SLC4A5: variants seen among roughly 807,000 people sequenced by gnomAD.
The protein encoded by SLC4A5 is solute carrier family 4 member 5, also known as electrogenic sodium bicarbonate cotransporter 4.
SLC4A5 carries 96 observed loss-of-function variants against 120.4 expected under a neutral mutation model. The ratio of observed to expected loss-of-function variants is 0.80; its 90% CI spans 0.68 to 0.94. The LOEUF (loss-of-function observed/expected upper bound fraction) is 0.94, where lower values mean the gene tolerates loss of function less well. Among genes scored for constraint, SLC4A5 ranks in the 40% least tolerant of loss-of-function variants. The pLI is 0.00. For synonymous variants in SLC4A5, 550 were observed against 571.1 expected (o/e 0.96, Z 0.53); for missense variants, 1,259 against 1,459.5 (o/e 0.86, Z 2.24).
intron 7 of SLC4A5, among the ~76,000 whole-genome samples, chr2:74,299,501 G>A (rs1022979581): frequency 2.0e-5 from 3 of 152,170 alleles, no homozygotes; most frequent in South Asian, 2.1e-4. Flanking sequence ...ATGTGGAACT[G>A]TGAGTCCATC....
At chr2:74,227,097 C>T (rs1339824168) in exon 27 of SLC4A5, 14 of 1,613,806 alleles carry the variant, frequency 8.7e-6, no homozygotes, top group Non-Finnish European at 1.2e-5. Flanking sequence ...TGGTGCTTGG[C>T]TGGCATCAGG....
At chr2:74,302,055 T>C (rs1672487933) in intron 7 of SLC4A5, among the ~76,000 whole-genome samples, 1 of 152,234 alleles carries the variant, frequency 6.6e-6, no homozygotes, top group African/African-American at 2.4e-5. Context: ...ATTAGTTAGA[T>C]TATTTCTCAA....
At chr2:74,310,946 T>TA (rs1473347416) in intron 6 of SLC4A5, among the ~76,000 whole-genome samples, 4 of 151,598 alleles carry the variant, frequency 2.6e-5, no homozygotes, top group African/African-American at 9.7e-5. Context: ...CTTTTTTTTT[T>TA]TTTGGTAAGT....
chr2:74,233,927 C>G (rs955967417), intron 22 of SLC4A5, among the ~76,000 whole-genome samples: 1 of 152,036 alleles, frequency 6.6e-6, no homozygotes, highest in African/African-American at 2.4e-5. Flanking sequence ...ATGGGTGGGC[C>G]CAGGGCCAGC....
At chr2:74,284,172 T>C (rs1303036334) in intron 8 of SLC4A5, among the ~76,000 whole-genome samples, 1 of 66,746 alleles carries the variant, frequency 1.5e-5, no homozygotes, top group Non-Finnish European at 2.3e-5. Flanking sequence ...CTTTTTTTTT[T>C]TTTTTTTTTT....
chr2:74,222,991 A>C, intron 28 of SLC4A5, 39 bp from the exon 29 acceptor site: 38 of 1,379,682 alleles, frequency 2.8e-5, no homozygotes, highest in Non-Finnish European at 3.5e-5. Context: ...AAACACCAAC[A>C]CAACAATTTG....
Position 74,235,222 on chromosome 2 carries a change from C to G in SLC4A5, c.2320-8G>C, listed in dbSNP as rs1261476650. The G allele has an allele frequency of 1.9e-6, 3 of 1,610,544 alleles. No individual in the cohort carries two copies. The highest frequency in any genetic ancestry group is 8.5e-7 in the Non-Finnish European group (1 of 1,177,530). ...AGCCACCAGGGCCCGGACCTGCAGA[C>G]AGGAGATGAGCAAGTAAAAGAAGTG... is the stretch of plus-strand genomic sequence containing the variant. On this transcript the variant is annotated splice_region_variant and splice_polypyrimidine_tract_variant and intron_variant, in intron 21 of 30. Coordinates refer to ENST00000394019, the Ensembl canonical transcript of SLC4A5.
chr2:74,248,611 T>A (rs1670694364), intron 17 of SLC4A5, 125 bp from the exon 18 acceptor site: 1 of 1,145,810 alleles, frequency 8.7e-7, no homozygotes, highest in Non-Finnish European at 1.2e-6. Flanking sequence ...CTGGGCCCTT[T>A]CCTCCCTAAA....
At chr2:74,316,829 T>C (rs1335561474) in intron 5 of SLC4A5, among the ~76,000 whole-genome samples, 1 of 152,198 alleles carries the variant, frequency 6.6e-6, no homozygotes, top group Non-Finnish European at 1.5e-5. Context: ...AGACTGACTT[T>C]AGTAACTCCC....
intron 19 of SLC4A5, among the ~76,000 whole-genome samples, chr2:74,244,299 T>G (rs1023644229): frequency 6.6e-6 from 1 of 152,100 alleles, no homozygotes; most frequent in Non-Finnish European, 1.5e-5. Flanking sequence ...AACTTAAGAG[T>G]GCATCAGAAT....
At chr2:74,225,117 T>A (rs1331519263) in intron 27 of SLC4A5, 122 bp from the exon 28 acceptor site, 3 of 887,798 alleles carry the variant, frequency 3.4e-6, no homozygotes, top group African/African-American at 3.4e-5. Context: ...TTTTGTGGTG[T>A]CTTTGGAGCC....
At chr2:74,219,505 C>T (rs2103859120) in intron 30 of SLC4A5, among the ~76,000 whole-genome samples, 1 of 152,270 alleles carries the variant, frequency 6.6e-6, no homozygotes, top group African/African-American at 2.4e-5. Context: ...TTCACTGAAA[C>T]AGAATCTTGC....
chr2:74,252,364 C>G, exon 16 of SLC4A5: 3 of 1,613,782 alleles, frequency 1.9e-6, no homozygotes, highest in Non-Finnish European at 2.5e-6. Context: ...TCTGGCCCAG[C>G]TCTGCTAGGG....
At chr2:74,279,927 C>T (rs1413576158) in intron 8 of SLC4A5, among the ~76,000 whole-genome samples, 1 of 152,186 alleles carries the variant, frequency 6.6e-6, no homozygotes, top group Non-Finnish European at 1.5e-5. Flanking sequence ...TCTATCCCTA[C>T]TGCCAGCATC....
chr2:74,302,580 T>G (rs1050717942), intron 7 of SLC4A5, among the ~76,000 whole-genome samples: 1 of 152,174 alleles, frequency 6.6e-6, no homozygotes, highest in African/African-American at 2.4e-5. Flanking sequence ...TCGCGCCACT[T>G]AACTCTAGCC....
chr2:74,315,151 G>T, intron 5 of SLC4A5, 126 bp from the exon 6 acceptor site: 1 of 817,988 alleles, frequency 1.2e-6, no homozygotes. Context: ...AAGACAAAAG[G>T]ACATATAACT....
intron 8 of SLC4A5, among the ~76,000 whole-genome samples, chr2:74,274,123 G>C (rs1045007392): frequency 6.6e-6 from 1 of 152,198 alleles, no homozygotes; most frequent in African/African-American, 2.4e-5. Context: ...TCTATCTCAC[G>C]AGGTAGGTCT....
At chr2:74,221,879 AAGGT>A (rs1476243123) in intron 29 of SLC4A5, among the ~76,000 whole-genome samples, 1 of 152,114 alleles carries the variant, frequency 6.6e-6, no homozygotes, top group Non-Finnish European at 1.5e-5. Context: ...GCTCGGGACT[AAGGT>A]AGGGATCTTT....
intron 6 of SLC4A5, among the ~76,000 whole-genome samples, chr2:74,308,918 A>ATT (rs138962975): frequency 0.039 from 5,601 of 144,290 alleles, 368 homozygotes; most frequent in African/African-American, 0.13. Flanking sequence ...CTATGTCTGA[A>ATT]TTTTTTTTTT....
Sources: gnomAD v4.1 joint callset for allele counts (sites outside exome capture counted in the v4.1 genomes callset) on GRCh38, gnomAD v4.1.1 for gene constraint, MANE v1.5 for transcripts, NCBI Gene and HGNC (gene_info 2026-07-23, HGNC 2026-07-21) for gene names.